SCN3A: variants seen among roughly 807,000 people sequenced by gnomAD.
SCN3A encodes sodium voltage-gated channel alpha subunit 3.
In SCN3A, 60 loss-of-function variants were observed where a neutral mutation model predicts 187.6. The observed-to-expected ratio is 0.32, with a 90% CI of 0.26 to 0.40. SCN3A has a LOEUF of 0.40. Ranked by LOEUF, SCN3A falls within the 10% of genes least tolerant of loss-of-function variation. The probability of loss-of-function intolerance (pLI) is 1.00; values close to 1 mark genes in which losing one functional copy is unlikely to be tolerated. For synonymous variants in SCN3A, 788 were observed against 829.2 expected (o/e 0.95, Z 0.85); for missense variants, 1,601 against 2,428.2 (o/e 0.66, Z 7.16).
At chr2:165,091,504 G>C (rs1262286264) in intron 27 of SCN3A, among the ~76,000 whole-genome samples, 159 bp from the exon 28 acceptor site, 7 of 152,128 alleles carry the variant, frequency 4.6e-5, no homozygotes, top group Non-Finnish European at 7.4e-5. Flanking sequence ...ACAGATTACA[G>C]AGTTTTATTC....
chr2:165,126,130 G>A (rs573032521), intron 18 of SCN3A, among the ~76,000 whole-genome samples: 1 of 152,192 alleles, frequency 6.6e-6, no homozygotes, highest in African/African-American at 2.4e-5. Flanking sequence ...ATATGCTCAC[G>A]AAATCAGACA....
chr2:165,177,983 C>T (rs1213654980), intron 2 of SCN3A, among the ~76,000 whole-genome samples: 1 of 152,010 alleles, frequency 6.6e-6, no homozygotes, highest in East Asian at 1.9e-4. Context: ...TCCTACCATT[C>T]CCCTTTGCCC....
At chr2:165,147,284 G>T (rs867365781) in intron 11 of SCN3A, among the ~76,000 whole-genome samples, 1,841 of 44,750 alleles carry the variant, frequency 0.041, 29 homozygotes, top group Middle Eastern at 0.11. Context: ...TCTTTTTTTT[G>T]GGGGGGGGGG....
intron 1 of SCN3A, among the ~76,000 whole-genome samples, chr2:165,200,704 G>A (rs1021380962): frequency 2.6e-5 from 4 of 152,020 alleles, no homozygotes; most frequent in Non-Finnish European, 4.4e-5. Context: ...GCAGTTACTT[G>A]AGTCAGTTTA....
intron 14 of SCN3A, among the ~76,000 whole-genome samples, chr2:165,138,590 T>G (rs1190114624): frequency 2.6e-5 from 4 of 152,192 alleles, no homozygotes; most frequent in Admixed American, 2.6e-4. Context: ...TTGCACACAG[T>G]GAGAACGTAG....
intron 12 of SCN3A, among the ~76,000 whole-genome samples, chr2:165,142,196 A>G (rs1367599487): frequency 6.6e-6 from 1 of 152,196 alleles, no homozygotes; most frequent in Non-Finnish European, 1.5e-5. Context: ...GTCAGCAGCA[A>G]ACATTCCTGG....
chr2:165,096,359 A>G (rs1017102998), intron 24 of SCN3A, 108 bp downstream of exon 24: 15 of 816,474 alleles, frequency 1.8e-5, no homozygotes, highest in Middle Eastern at 3.4e-4. Flanking sequence ...TTTATATGCA[A>G]TATTAAATGT....
chr2:165,090,416 A>G lies in SCN3A; in HGVS notation c.5737T>C (p.Cys1913Arg), dbSNP rs755958042. 2 of 1,613,584 alleles carry G rather than the reference A, an allele frequency of 1.2e-6. No homozygotes were observed. Among genetic ancestry groups the G allele is most frequent in the Non-Finnish European group, 1.7e-6 (2 of 1,179,586 alleles). ...SAAIIQRNFR[C>R]YLLKQRLKNI... is the part of the protein sequence containing the mutation. ...TTTAACCTTTGCTTTAAAAGATAACATCTGAAATTACGCTGAATGATAGCG... is the reference window on the plus strand; with the variant it reads ...TTTAACCTTTGCTTTAAAAGATAACGTCTGAAATTACGCTGAATGATAGCG... The change falls in exon 28 of 28, where the codon TGT becomes CGT. Residue 1913 changes from cysteine (C) to arginine (R), a missense_variant. Transcript: ENST00000283254. The surrounding 1 kb of genome is among the most constrained non-coding windows in gnomAD (Gnocchi z 4.0).
chr2:165,139,362 T>C (rs1687857500), intron 14 of SCN3A, 114 bp downstream of exon 14: 1 of 1,384,190 alleles, frequency 7.2e-7, no homozygotes, highest in Non-Finnish European at 1.0e-6. Flanking sequence ...CATTCTTAGG[T>C]CTAATATATA....
intron 6 of SCN3A, chr2:165,163,971 A>T: frequency 7.7e-7 from 1 of 1,305,254 alleles, no homozygotes; most frequent in Non-Finnish European, 1.1e-6. Flanking sequence ...GGTTTGGCAC[A>T]TAGAGCCCTG....
chr2:165,189,594 C>A (rs1015017908), intron 1 of SCN3A, among the ~76,000 whole-genome samples: 8 of 152,112 alleles, frequency 5.3e-5, no homozygotes, highest in African/African-American at 1.9e-4. Flanking sequence ...CAAATTAAAT[C>A]TTTAATTTTA....
At chr2:165,121,017 AT>A (rs1241632185) in intron 18 of SCN3A, among the ~76,000 whole-genome samples, 1 of 151,968 alleles carries the variant, frequency 6.6e-6, no homozygotes, top group Non-Finnish European at 1.5e-5. Context: ...GAAAAAGGCC[AT>A]TTGTTTTCAG....
chr2:165,127,755 T>A lies in SCN3A; in HGVS notation c.3269A>T (p.Tyr1090Phe), dbSNP rs754672365. The A allele has an allele frequency of 6.2e-7, 1 of 1,614,204 alleles. No individual in the cohort carries two copies. Among genetic ancestry groups the A allele is most frequent in the Admixed American group, 1.7e-5 (1 of 60,030 alleles). ...GCTGGGGTTGTTTATGAATGACATA[T>A]AATCATTTTCATCGATTACGTATTT... ...VEKYVIDENDYMSFINNPSLT... is the reference protein window; with the variant it reads ...VEKYVIDENDFMSFINNPSLT... The change falls in exon 18 of 28, where the codon TAT (tyrosine) becomes TTT (phenylalanine). Residue 1090 changes from tyrosine to phenylalanine, a missense_variant. This residue lies in a region of SCN3A where 267 missense variants were observed against 313.2 expected (regional missense o/e 0.85). Coordinates refer to ENST00000283254, the MANE Select transcript of SCN3A (RefSeq NM_006922.4).
At chr2:165,161,948 A>G (rs79150646) in intron 9 of SCN3A, among the ~76,000 whole-genome samples, 3,034 of 152,288 alleles carry the variant, frequency 0.02, 70 homozygotes, top group East Asian at 0.086. Context: ...AACTCATCCC[A>G]TTGATACATA....
Position 165,097,447 on chromosome 2 carries a change from GAT to G in SCN3A, c.4042_4043del (p.Ile1348LeufsTer2), listed in dbSNP as rs1685410678. On this transcript the variant is annotated frameshift_variant, in exon 23 of 28. Transcript: ENST00000283254. LOFTEE classifies it high-confidence loss of function. Reference protein sequence around the residue: ...VLLVCLIFWLIFSIMGVNLFA... With the variant: ...VLLVCLIFWLXFSIMGVNLFA... ...ACAAATTCACACCCATGATGCTAAAGATCAACCAGAAGATGAGACAGACCAAC... is the reference window on the plus strand; with the variant it reads ...ACAAATTCACACCCATGATGCTAAAGCAACCAGAAGATGAGACAGACCAAC... 1 of 1,613,944 alleles carries G rather than the reference GAT, an allele frequency of 6.2e-7. No homozygotes were observed. The highest frequency in any genetic ancestry group is 1.3e-5 in the African/African-American group (1 of 74,890).
chr2:165,161,155 T>TTTTTTTTG (rs1689364484), intron 9 of SCN3A, among the ~76,000 whole-genome samples: 1 of 141,106 alleles, frequency 7.1e-6, no homozygotes, highest in Non-Finnish European at 1.5e-5. Context: ...TTTTTTTTTT[T>TTTTTTTTG]TTTTTTTGTT....
At chr2:165,160,624 C>T in intron 9 of SCN3A, among the ~76,000 whole-genome samples, 1 of 150,882 alleles carries the variant, frequency 6.6e-6, no homozygotes, top group Admixed American at 6.6e-5. Flanking sequence ...TTAGAGTGTG[C>T]TTTTTTTTTA....
intron 11 of SCN3A, among the ~76,000 whole-genome samples, chr2:165,149,887 C>T (rs768566373): frequency 3.3e-5 from 5 of 152,044 alleles, no homozygotes; most frequent in South Asian, 2.1e-4. Flanking sequence ...TCTGTGTGTC[C>T]GTAAAAATAT....
Position 165,092,291 on chromosome 2 carries a change from G to A in SCN3A, c.4770C>T (p.Asn1590=), listed in dbSNP as rs753243792. 4.3e-6 allele frequency: 7 copies of A among 1,613,980 alleles called. No homozygotes were observed. Among genetic ancestry groups the A allele is most frequent in the Non-Finnish European group, 5.9e-6 (7 of 1,179,918 alleles). ...GAATCACCACCACAAAGTCAAAGAT[G>A]TTCCAGCCTATAGTGAAGTAGTAGT... ...LRHYYFTIGW[N]IFDFVVVILS... Residue 1590 remains asparagine, a synonymous_variant, in exon 27 of 28, where the codon AAC becomes AAT. Transcript: ENST00000283254. This position sits in a 1 kb window ranked among gnomAD's most constrained non-coding sequence, Gnocchi z 4.2.
Sources: gnomAD v4.1 joint callset for allele counts (sites outside exome capture counted in the v4.1 genomes callset) on GRCh38, gnomAD v4.1.1 for gene constraint, gnomAD v4.1.1 regional missense constraint, Gnocchi (gnomAD v3.1) non-coding constraint, MANE v1.5 for transcripts, NCBI Gene and HGNC (gene_info 2026-07-23, HGNC 2026-07-21) for gene names.